ATP8A2: variants seen among roughly 807,000 people sequenced by gnomAD.
ATP8A2 encodes phospholipid-transporting ATPase IB.
ATP8A2 carries 100 observed loss-of-function variants against 165.6 expected under a neutral mutation model. The observed-to-expected ratio is 0.60, with a 90% CI of 0.51 to 0.71. The LOEUF (loss-of-function observed/expected upper bound fraction) is 0.71. ATP8A2 is among the 30% of genes least tolerant of loss of function. The pLI, the probability that ATP8A2 is intolerant of heterozygous loss-of-function variation, is 0.00. For missense variants in ATP8A2, 1,227 were observed against 1,479.5 expected, an observed-to-expected ratio of 0.83 and a Z score of 2.80; for synonymous variants, 543 against 548.8, an observed-to-expected ratio of 0.99 and a Z score of 0.15.
intron 24 of ATP8A2, among the ~76,000 whole-genome samples, chr13:25,635,866 A>G (rs961686613): frequency 6.6e-6 from 1 of 152,258 alleles, no homozygotes; most frequent in Non-Finnish European, 1.5e-5. Context: ...GAAGACAGAA[A>G]TACAAACTAT....
At chr13:26,019,578 T>G (rs1043805339) in intron 36 of ATP8A2, among the ~76,000 whole-genome samples, 3 of 152,154 alleles carry the variant, frequency 2.0e-5, no homozygotes, top group Non-Finnish European at 2.9e-5. Flanking sequence ...CGGGGACCAG[T>G]GACCCACTGT....
chr13:25,480,671 A>G (rs2036159475), intron 2 of ATP8A2, among the ~76,000 whole-genome samples: 1 of 147,544 alleles, frequency 6.8e-6, no homozygotes. Context: ...CACTTTCCAG[A>G]CTGGGCAGCC....
At chr13:25,560,700 CAAAAA>C (rs748751011) in intron 15 of ATP8A2, among the ~76,000 whole-genome samples, 4 of 63,290 alleles carry the variant, frequency 6.3e-5, no homozygotes, top group African/African-American at 2.4e-4. Flanking sequence ...ACTCTTGTCT[CAAAAA>C]AAAAAAAAAA....
chr13:25,977,380 G>A (rs1276438974), intron 35 of ATP8A2, among the ~76,000 whole-genome samples: 1 of 152,106 alleles, frequency 6.6e-6, no homozygotes, highest in Non-Finnish European at 1.5e-5. Flanking sequence ...AAATACTCGC[G>A]ACAGGTGAGG....
chr13:25,502,507 G>A (rs907990303), intron 2 of ATP8A2, among the ~76,000 whole-genome samples: 1 of 152,196 alleles, frequency 6.6e-6, no homozygotes, highest in Non-Finnish European at 1.5e-5. Context: ...CAATGAAAGT[G>A]ATTCAGAATC....
chr13:25,832,928 G>A (rs1951514959), intron 28 of ATP8A2, among the ~76,000 whole-genome samples: 1 of 152,036 alleles, frequency 6.6e-6, no homozygotes, highest in South Asian at 2.1e-4. Context: ...ATGTAAATAT[G>A]TTCATATATG....
intron 33 of ATP8A2, among the ~76,000 whole-genome samples, chr13:25,872,648 T>G (rs986940842): frequency 6.6e-6 from 1 of 152,166 alleles, no homozygotes; most frequent in Non-Finnish European, 1.5e-5. Context: ...TAGGAGCTTT[T>G]CTAAGCGAGG....
intron 25 of ATP8A2, among the ~76,000 whole-genome samples, chr13:25,737,686 T>A (rs2138125037): frequency 6.6e-6 from 1 of 151,938 alleles, no homozygotes; most frequent in South Asian, 2.1e-4. Flanking sequence ...TTTTATTATT[T>A]TATTTTATGT....
At chr13:25,975,928 ATCAG>A (rs1310241915) in intron 35 of ATP8A2, among the ~76,000 whole-genome samples, 1 of 152,186 alleles carries the variant, frequency 6.6e-6, no homozygotes, top group Non-Finnish European at 1.5e-5. Flanking sequence ...ATTCCTTGGT[ATCAG>A]TCAAACAACC....
Position 25,930,853 on chromosome 13 carries a change from C to T in ATP8A2, c.3184-30722C>T, listed in dbSNP as rs556306171. ...GGGTCTGGCTGCAGCCGACCTGTCA[C>T]GCCTCCTCCACATCCCCCACATGGG... On this transcript the variant is annotated intron_variant, in intron 33 of 36. Transcript: ENST00000381655. Among the ~76,000 whole-genome samples the T allele has an allele frequency of 4.4e-4, 67 of 152,340 alleles. 1 individual carries two copies. Among genetic ancestry groups the T allele is most frequent in the Non-Finnish European group, 5.9e-5 (4 of 68,034 alleles).
intron 4 of ATP8A2, among the ~76,000 whole-genome samples, chr13:25,531,904 G>A (rs1164721186): frequency 6.6e-6 from 1 of 152,182 alleles, no homozygotes; most frequent in African/African-American, 2.4e-5. Context: ...TCCCGAGCAT[G>A]TCAGATAAGG....
chr13:25,587,669 A>T (rs1318023136), intron 23 of ATP8A2, among the ~76,000 whole-genome samples: 2 of 152,244 alleles, frequency 1.3e-5, no homozygotes, highest in Non-Finnish European at 2.9e-5. Context: ...GTCTCTGGGG[A>T]TGAAGAAAGA....
intron 24 of ATP8A2, among the ~76,000 whole-genome samples, chr13:25,686,108 G>A (rs2042595391): frequency 6.6e-6 from 1 of 152,238 alleles, no homozygotes; most frequent in Non-Finnish European, 1.5e-5. Context: ...TCACTGCTGT[G>A]TTTCTCTGGG....
intron 24 of ATP8A2, among the ~76,000 whole-genome samples, chr13:25,595,002 A>ATATG (rs1225469088): frequency 7.7e-4 from 115 of 149,904 alleles, no homozygotes; most frequent in Non-Finnish European, 1.4e-3. Flanking sequence ...ATATATATAT[A>ATATG]TATATGTATG....
chr13:26,001,485 C>G (rs1956630272), intron 35 of ATP8A2, among the ~76,000 whole-genome samples: 1 of 152,148 alleles, frequency 6.6e-6, no homozygotes, highest in African/African-American at 2.4e-5. Context: ...AAGTAATGTG[C>G]AAGAGTTCCA....
At chr13:25,380,653 G>T (rs1295491991) in intron 1 of ATP8A2, among the ~76,000 whole-genome samples, 1 of 151,932 alleles carries the variant, frequency 6.6e-6, no homozygotes, top group East Asian at 1.9e-4. Flanking sequence ...TGTATATGTG[G>T]TCTGCATTAT....
At chr13:25,542,747 G>C (rs1234677906) in intron 9 of ATP8A2, among the ~76,000 whole-genome samples, 1 of 151,932 alleles carries the variant, frequency 6.6e-6, no homozygotes, top group East Asian at 1.9e-4. Flanking sequence ...ACTGCTTCTT[G>C]GTTTCATTTA....
At chr13:25,502,482 C>T (rs920829445) in intron 2 of ATP8A2, among the ~76,000 whole-genome samples, 1 of 152,288 alleles carries the variant, frequency 6.6e-6, no homozygotes, top group East Asian at 1.9e-4. Flanking sequence ...CTAATTCCCA[C>T]AGGGGACTAG....
intron 34 of ATP8A2, among the ~76,000 whole-genome samples, chr13:25,963,239 CA>C (rs1372686461): frequency 1.3e-5 from 2 of 151,784 alleles, no homozygotes; most frequent in African/African-American, 2.4e-5. Flanking sequence ...ACTATAAATA[CA>C]AAAATTAGCT....
Sources: gnomAD v4.1 joint callset for allele counts (sites outside exome capture counted in the v4.1 genomes callset) on GRCh38, gnomAD v4.1.1 for gene constraint, MANE v1.5 for transcripts, NCBI Gene and HGNC (gene_info 2026-07-23, HGNC 2026-07-21) for gene names.